C10orf90: variants seen among roughly 807,000 people sequenced by gnomAD.
C10orf90 encodes the protein chromosome 10 open reading frame 90, also known as (E2-independent) E3 ubiquitin-conjugating enzyme FATS.
A neutral mutation model predicts 62.5 loss-of-function variants in C10orf90; 56 were observed. The observed-to-expected ratio is 0.90, with a 90% confidence interval of 0.72 to 1.12. The LOEUF is 1.12. Ranked by LOEUF, C10orf90 falls within the 50% of genes most tolerant of loss-of-function variation. The probability of loss-of-function intolerance (pLI) is 0.00; values close to 1 mark genes in which losing one functional copy is unlikely to be tolerated. For synonymous variants in C10orf90, 386 were observed against 340.4 expected, an observed-to-expected ratio of 1.13 and a Z score of -1.47; for missense variants, 970 against 880.4, an observed-to-expected ratio of 1.10 and a Z score of -1.29.
At chr10:126,625,633 T>C (rs1175197813) in intron 2 of C10orf90, among the ~76,000 whole-genome samples, 1 of 152,160 alleles carries the variant, frequency 6.6e-6, no homozygotes, top group African/African-American at 2.4e-5. Context: ...GCTAATGATG[T>C]TTGGATGACT....
intron 2 of C10orf90, among the ~76,000 whole-genome samples, chr10:126,515,146 G>A (rs1863366831): frequency 6.6e-6 from 1 of 152,222 alleles, no homozygotes; most frequent in Non-Finnish European, 1.5e-5. Context: ...CTGCATATAT[G>A]ACAGTGGTCC....
chr10:126,490,007 T>TATATA (rs1861644070), intron 4 of C10orf90, among the ~76,000 whole-genome samples: 1 of 81,960 alleles, frequency 1.2e-5, no homozygotes, highest in Non-Finnish European at 2.2e-5. Context: ...TTATATATTA[T>TATATA]ATATATTATA....
intron 2 of C10orf90, among the ~76,000 whole-genome samples, chr10:126,529,708 G>A (rs964117697): frequency 1.2e-4 from 18 of 152,128 alleles, no homozygotes; most frequent in African/African-American, 4.1e-4. Context: ...AAAAATCAGT[G>A]ATATTAAATA....
chr10:126,474,429 A>G (rs1209440622), intron 4 of C10orf90, among the ~76,000 whole-genome samples: 1 of 151,948 alleles, frequency 6.6e-6, no homozygotes, highest in African/African-American at 2.4e-5. Flanking sequence ...CAATTTAAGG[A>G]CTCCTACAGT....
At chr10:126,550,114 C>T (rs569326221) in intron 2 of C10orf90, among the ~76,000 whole-genome samples, 6 of 152,066 alleles carry the variant, frequency 3.9e-5, no homozygotes, top group Non-Finnish European at 7.4e-5. Context: ...CGCCACCACG[C>T]CTGGCTAATT....
chr10:126,461,945 A>G (rs1047882882), intron 5 of C10orf90, among the ~76,000 whole-genome samples: 1 of 152,150 alleles, frequency 6.6e-6, no homozygotes, highest in Admixed American at 6.5e-5. Context: ...GGGACAGTGT[A>G]TTAATCTACC....
intron 4 of C10orf90, among the ~76,000 whole-genome samples, chr10:126,497,865 G>A (rs1030529095): frequency 6.6e-6 from 1 of 152,148 alleles, no homozygotes; most frequent in Non-Finnish European, 1.5e-5. Context: ...GCTGGACTCG[G>A]CCTCCTGGTG....
chr10:126,552,271 T>C (rs1399283740), intron 2 of C10orf90, among the ~76,000 whole-genome samples: 1 of 152,180 alleles, frequency 6.6e-6, no homozygotes, highest in East Asian at 1.9e-4. Context: ...AAATATCTGT[T>C]GAAGGAATGA....
At chr10:126,621,196 A>G (rs961748096) in intron 2 of C10orf90, among the ~76,000 whole-genome samples, 4 of 152,220 alleles carry the variant, frequency 2.6e-5, no homozygotes, top group African/African-American at 9.6e-5. Flanking sequence ...ACGACTTTAC[A>G]TAACCACTGG....
At chr10:126,441,558 G>C (rs1397293253) in intron 7 of C10orf90, among the ~76,000 whole-genome samples, 1 of 152,128 alleles carries the variant, frequency 6.6e-6, no homozygotes, top group East Asian at 1.9e-4. Flanking sequence ...ATCTCAAAAA[G>C]ATCATCGCCT....
intron 7 of C10orf90, among the ~76,000 whole-genome samples, chr10:126,443,734 A>G (rs1858555760): frequency 6.6e-6 from 1 of 152,160 alleles, no homozygotes; most frequent in Non-Finnish European, 1.5e-5. Flanking sequence ...AGAAAACTAC[A>G]GACTGATATC....
chr10:126,558,567 G>A (rs1461147623), intron 2 of C10orf90, among the ~76,000 whole-genome samples: 1 of 152,142 alleles, frequency 6.6e-6, no homozygotes, highest in Non-Finnish European at 1.5e-5. Context: ...GTTAGCCACG[G>A]GTCCTTCAAG....
chr10:126,655,718 T>C (rs1287063633), intron 1 of C10orf90, among the ~76,000 whole-genome samples: 4 of 152,106 alleles, frequency 2.6e-5, no homozygotes, highest in African/African-American at 9.7e-5. Context: ...ACACTGAAGT[T>C]ACTCTGACTT....
At position 126,426,180 on chromosome 10, in the gene C10orf90, C is replaced by A. The variant is rs548158879; in HGVS notation, c.2253-90G>T. The A allele has an allele frequency of 4.7e-6, 5 of 1,057,736 alleles. No individual in the cohort carries two copies. The South Asian group carries it at 6.7e-5, about 14-fold the overall frequency. 65.5% of individuals were successfully genotyped at this position (1,057,736 alleles called of 1,614,324 possible). A position where few individuals can be genotyped will look rare whatever the true frequency, so the allele number is the denominator to read the frequency against. On this transcript the variant is annotated intron_variant, in intron 8 of 9. Transcript: ENST00000488181. ...ATCCTGTCTTGACGGCAGGCTCTTA[C>A]ATTTCAAAGAGAAGATCGCTGCTTA... is the stretch of plus-strand genomic sequence containing the variant.
chr10:126,581,032 C>T (rs953998661), intron 2 of C10orf90, among the ~76,000 whole-genome samples: 1 of 152,102 alleles, frequency 6.6e-6, no homozygotes, highest in African/African-American at 2.4e-5. Flanking sequence ...AGTGTCCAAC[C>T]AGAGAAGGCA....
intron 4 of C10orf90, among the ~76,000 whole-genome samples, chr10:126,500,733 A>G (rs1410758738): frequency 6.6e-6 from 1 of 152,182 alleles, no homozygotes; most frequent in Non-Finnish European, 1.5e-5. Context: ...TCACGCGTCT[A>G]TTGGAATGCT....
At position 126,535,292 on chromosome 10, in the gene C10orf90, C is replaced by T. The variant is rs183640276; in HGVS notation, c.314-21353G>A. On this transcript the variant is annotated intron_variant, in intron 2 of 9. Coordinates refer to ENST00000488181, the MANE Select transcript of C10orf90 (RefSeq NM_001350921.2). ...CAGCACTTTGGGAGGCCGAGGCAGG[C>T]GGATCACGAGGTCAGGAGATTGAGA... is the stretch of plus-strand genomic sequence containing the variant. Among the ~76,000 whole-genome samples, 701 of 151,616 alleles carry T rather than the reference C, an allele frequency of 4.6e-3. 8 individuals are homozygous for T. Among genetic ancestry groups the T allele is most frequent in the African/African-American group, 0.016 (658 of 41,332 alleles).
chr10:126,646,747 A>G, intron 1 of C10orf90, 110 bp from the exon 2 acceptor site: 1 of 276,016 alleles, frequency 3.6e-6, no homozygotes, highest in South Asian at 3.4e-5. Flanking sequence ...GAATTTCTCA[A>G]TTCTCCTGAG....
Position 126,480,176 on chromosome 10 carries a change from C to T in C10orf90, c.1535-15190G>A, listed in dbSNP as rs547237632. 1.1e-4 allele frequency among the ~76,000 whole-genome samples: 16 copies of T among 152,182 alleles called. 1 individual carries two copies. The highest frequency in any genetic ancestry group is 3.9e-4 in the African/African-American group (16 of 41,534). ...ATGTATGGCCAAGATAAAAAGGTGC[C>T]TCTTGGATATAATAAAATCACACTT... On this transcript the variant is annotated intron_variant, in intron 4 of 9. Coordinates refer to ENST00000488181, the MANE Select transcript of C10orf90 (RefSeq NM_001350921.2).
Sources: allele counts gnomAD v4.1 joint callset (sites outside exome capture counted in the v4.1 genomes callset), GRCh38; gene constraint gnomAD v4.1.1; transcripts MANE v1.5; gene names NCBI Gene and HGNC (gene_info 2026-07-23, HGNC 2026-07-21).